Variants in LIMS1 observed in about 807,000 individuals in gnomAD.
LIMS1 encodes the protein LIM and senescent cell antigen-like-containing domain protein 1.
LIMS1 carries 18 observed loss-of-function variants against 44.1 expected under a neutral mutation model. The observed-to-expected ratio is 0.41, with a 90% CI of 0.28 to 0.61. LIMS1 has a LOEUF of 0.61. Ranked by LOEUF, LIMS1 falls within the 20% of genes least tolerant of loss-of-function variation. The pLI is 0.32. For missense variants in LIMS1, 201 were observed against 422.0 expected, an observed-to-expected ratio of 0.48 and a Z score of 4.59; for synonymous variants, 93 against 149.1, an observed-to-expected ratio of 0.62 and a Z score of 2.74.
chr2:108,660,990 A>G (rs1486535213), intron 2 of LIMS1, among the ~76,000 whole-genome samples: 1 of 138,910 alleles, frequency 7.2e-6, no homozygotes, highest in East Asian at 2.1e-4. Context: ...TTTCCCTGTT[A>G]TATAAACCAT....
chr2:108,640,031 A>G (rs552066916), intron 1 of LIMS1, among the ~76,000 whole-genome samples: 1 of 152,024 alleles, frequency 6.6e-6, no homozygotes, highest in South Asian at 2.1e-4. Flanking sequence ...TAATGATTGC[A>G]CCTTTTTGCT....
chr2:108,573,139 A>G (rs962573254), intron 1 of LIMS1, among the ~76,000 whole-genome samples: 2 of 152,224 alleles, frequency 1.3e-5, no homozygotes, highest in Non-Finnish European at 2.9e-5. Context: ...GTTTCTCTTT[A>G]TATTCAGCAG....
intron 1 of LIMS1, among the ~76,000 whole-genome samples, chr2:108,639,301 A>AT (rs1689500791): frequency 1.3e-5 from 2 of 152,224 alleles, no homozygotes; most frequent in Admixed American, 1.3e-4. Context: ...GAGAAAAAAA[A>AT]GGGACAGTGG....
Position 108,659,773 on chromosome 2 carries a change from C to A in LIMS1, c.192+9C>A, listed in dbSNP as rs1304063818. 1 of 1,612,252 alleles carries A rather than the reference C, an allele frequency of 6.2e-7. No individual in the cohort carries two copies. Among genetic ancestry groups the A allele is most frequent in the Admixed American group, 1.7e-5 (1 of 60,026 alleles). ...AAGGACTCTTCTATGAGGTGAGTTG[C>A]ACTGGACAAAAGCAGGGAGGTGCCA... On this transcript the variant is annotated intron_variant, in intron 2 of 9. Transcript: ENST00000544547.
At chr2:108,627,471 A>G (rs115020576) in intron 1 of LIMS1, among the ~76,000 whole-genome samples, 2,683 of 150,284 alleles carry the variant, frequency 0.018, 46 homozygotes, top group African/African-American at 0.039. Context: ...TAACAGAATC[A>G]ATCTGTAATT....
chr2:108,597,199 G>A lies in LIMS1; in HGVS notation c.33-62406G>A, dbSNP rs570532386. On this transcript the variant is annotated intron_variant, in intron 1 of 9. Coordinates refer to ENST00000544547, the Ensembl canonical transcript of LIMS1. ...GCTGAGATTACAGATGTGAGCCACC[G>A]TGCTTGGTCAAAACATCTTAATTTG... Among the ~76,000 whole-genome samples the A allele has an allele frequency of 1.7e-4, 26 of 151,992 alleles. 1 individual carries two copies. Among genetic ancestry groups the A allele is most frequent in the Admixed American group, 1.0e-3 (16 of 15,264 alleles).
intron 1 of LIMS1, among the ~76,000 whole-genome samples, chr2:108,551,538 C>T (rs1684705350): frequency 7.0e-6 from 1 of 142,044 alleles, no homozygotes. Context: ...CACACGAGAC[C>T]TCTGTAATTC....
chr2:108,589,939 T>G (rs954868381), intron 1 of LIMS1, among the ~76,000 whole-genome samples: 8 of 152,218 alleles, frequency 5.3e-5, no homozygotes, highest in Non-Finnish European at 1.2e-4. Flanking sequence ...TCCTGGAGAA[T>G]GTTCCATGTG....
At chr2:108,650,437 G>T (rs1690396104) in intron 1 of LIMS1, among the ~76,000 whole-genome samples, 1 of 147,810 alleles carries the variant, frequency 6.8e-6, no homozygotes. Context: ...TTTCTTTCGA[G>T]ACGGAGTTTT....
intron 1 of LIMS1, among the ~76,000 whole-genome samples, chr2:108,587,679 A>C (rs745674333): frequency 1.3e-5 from 2 of 152,198 alleles, no homozygotes; most frequent in Non-Finnish European, 2.9e-5. Flanking sequence ...GGCTGAATTA[A>C]TTGCTCTCAA....
chr2:108,543,178 C>T (rs936748316), intron 1 of LIMS1, among the ~76,000 whole-genome samples: 1 of 152,206 alleles, frequency 6.6e-6, no homozygotes, highest in African/African-American at 2.4e-5. Flanking sequence ...CACCTGTAAT[C>T]TCAGCACTTT....
intron 1 of LIMS1, among the ~76,000 whole-genome samples, chr2:108,577,086 C>G (rs1485056288): frequency 6.6e-6 from 1 of 152,228 alleles, no homozygotes; most frequent in East Asian, 1.9e-4. Flanking sequence ...TGTGAGTGCA[C>G]TCAACATGTT....
intron 1 of LIMS1, among the ~76,000 whole-genome samples, chr2:108,619,440 T>C (rs1374784307): frequency 6.6e-6 from 1 of 151,966 alleles, no homozygotes; most frequent in Non-Finnish European, 1.5e-5. Context: ...TCCCAGCAAT[T>C]TGGGAGGCCG....
intron 2 of LIMS1, among the ~76,000 whole-genome samples, chr2:108,666,249 T>A (rs1429915448): frequency 6.6e-6 from 1 of 152,128 alleles, no homozygotes; most frequent in Admixed American, 6.6e-5. Context: ...CCTCTTCTGG[T>A]TCTATTAATT....
intron 1 of LIMS1, among the ~76,000 whole-genome samples, chr2:108,624,571 A>G (rs1221619833): frequency 6.6e-6 from 1 of 151,772 alleles, no homozygotes; most frequent in Non-Finnish European, 1.5e-5. Context: ...AGTCTGGCCA[A>G]CGTGGTGAAA....
chr2:108,624,728 G>T (rs1026578409), intron 1 of LIMS1, among the ~76,000 whole-genome samples: 2 of 152,102 alleles, frequency 1.3e-5, no homozygotes, highest in African/African-American at 4.8e-5. Flanking sequence ...CTGCACTCTA[G>T]CCTGGGTGAC....
intron 1 of LIMS1, among the ~76,000 whole-genome samples, chr2:108,612,009 T>TATATTATATATACACACAC (rs1558809162): frequency 1.5e-4 from 20 of 132,418 alleles, no homozygotes; most frequent in Non-Finnish European, 2.7e-4. Flanking sequence ...TATACACACA[T>TATATTATATATACACACAC]ATATATATAC....
intron 1 of LIMS1, among the ~76,000 whole-genome samples, chr2:108,634,127 G>T (rs1363182764): frequency 1.3e-5 from 2 of 152,224 alleles, no homozygotes; most frequent in Non-Finnish European, 2.9e-5. Context: ...AAGCAGGCTG[G>T]GCAAAGCTCA....
At chr2:108,566,012 CAT>C (rs976902771) in intron 1 of LIMS1, among the ~76,000 whole-genome samples, 14 of 152,218 alleles carry the variant, frequency 9.2e-5, no homozygotes, top group African/African-American at 3.4e-4. Flanking sequence ...GGAACACAAA[CAT>C]TCACACCATA....
Sources: allele counts gnomAD v4.1 joint callset (sites outside exome capture counted in the v4.1 genomes callset), GRCh38; gene constraint gnomAD v4.1.1; transcripts MANE v1.5; gene names NCBI Gene and HGNC (gene_info 2026-07-23, HGNC 2026-07-21).